ZP2: variants seen among roughly 807,000 people sequenced by gnomAD.
The protein encoded by ZP2 is zona pellucida glycoprotein 2.
A neutral mutation model predicts 84.0 loss-of-function variants in ZP2; 51 were observed. The observed-to-expected ratio is 0.61, with a 90% CI of 0.49 to 0.77. ZP2 has a LOEUF of 0.77. Ranked by LOEUF, ZP2 falls within the 30% of genes least tolerant of loss-of-function variation. The pLI is 0.00. For synonymous variants in ZP2, 375 were observed against 330.9 expected, an observed-to-expected ratio of 1.13 and a Z score of -1.45; for missense variants, 909 against 911.9, an observed-to-expected ratio of 1.00 and a Z score of 0.04.
At chr16:21,203,943 C>A in intron 9 of ZP2, 87 bp downstream of exon 9, 2 of 1,468,316 alleles carry the variant, frequency 1.4e-6, no homozygotes, top group Non-Finnish European at 9.4e-7. Flanking sequence ...AGCTCACGGG[C>A]AAGTTATCAG....
chr16:21,210,019 G>T, intron 3 of ZP2, 90 bp downstream of exon 3: 2 of 1,193,854 alleles, frequency 1.7e-6, no homozygotes, highest in South Asian at 1.3e-5. Flanking sequence ...TGCTGCAGGA[G>T]TTTGGGTACT....
intron 14 of ZP2, among the ~76,000 whole-genome samples, chr16:21,200,806 A>G (rs760170713): frequency 3.9e-5 from 6 of 152,230 alleles, no homozygotes; most frequent in Non-Finnish European, 7.3e-5. Context: ...TCAGATGGAT[A>G]GAGGCTAGAG....
rs778652791 is a variant in ZP2, at chr16:21,202,247, C to A, written c.1144G>T (p.Val382Phe). The change falls in exon 11 of 19, where the codon GTC (valine) becomes TTC (phenylalanine). Residue 382 changes from valine (V) to phenylalanine (F), a missense_variant. By Grantham distance (50) the Val-to-Phe change is conservative. Transcript: ENST00000574091. ...GCTGGTTGTGTTTGGTAGCTGTAGA[C>A]CTCGACGTCCATAAACCCATCCTGG... ...CTQDGFMDVE[V>F]YSYQTQPALD... The A allele has an allele frequency of 6.4e-7, 1 of 1,557,688 alleles. No homozygotes were observed. The highest frequency in any genetic ancestry group is 1.2e-5 in the South Asian group (1 of 81,452).
intron 9 of ZP2, 142 bp from the exon 10 acceptor site, chr16:21,203,393 A>T: frequency 9.4e-7 from 1 of 1,061,928 alleles, no homozygotes; most frequent in South Asian, 1.6e-5. Flanking sequence ...AACAAGAGAG[A>T]CCCTATCACT....
At chr16:21,199,174 A>T (rs932627452) in intron 16 of ZP2, among the ~76,000 whole-genome samples, 1 of 141,734 alleles carries the variant, frequency 7.1e-6, no homozygotes, top group Non-Finnish European at 1.6e-5. Flanking sequence ...TATAAAAGTT[A>T]GCTGGGTATG....
At position 21,210,228 on chromosome 16, in the gene ZP2, C is replaced by A. The variant is rs769664961; in HGVS notation, c.152-36G>T. ...AAGGAAGCATTTGGGGGCTTTGAGT[C>A]ATGAGTGATGCAACTCCTACAAAAG... On this transcript the variant is annotated intron_variant, in intron 2 of 18. Transcript: ENST00000574091. 5.8e-6 allele frequency: 9 copies of A among 1,542,180 alleles called. No individual in the cohort carries two copies. In the South Asian group the frequency reaches 7.8e-5, roughly 13 times the overall value.
upstream of ZP2, among the ~76,000 whole-genome samples, chr16:21,212,488 G>A (rs2093279080): frequency 6.6e-6 from 1 of 152,136 alleles, no homozygotes; most frequent in African/African-American, 2.4e-5. Flanking sequence ...AACACTGGGA[G>A]GAAAGTTTAA....
upstream of ZP2, chr16:21,211,621 A>C (rs1324805972): frequency 2.5e-6 from 4 of 1,610,338 alleles, no homozygotes; most frequent in Non-Finnish European, 3.4e-6. Flanking sequence ...AGCCAGCCGC[A>C]TCCACACCCT....
chr16:21,210,292 G>A (rs1196185302), intron 2 of ZP2, 100 bp from the exon 3 acceptor site: 1 of 941,214 alleles, frequency 1.1e-6, no homozygotes, highest in Non-Finnish European at 1.7e-6. Flanking sequence ...TTCCAGATGA[G>A]GGAGGCAAGA....
At chr16:21,203,836 T>C (rs192941365) in intron 9 of ZP2, 194 bp downstream of exon 9, 1 of 630,726 alleles carries the variant, frequency 1.6e-6, no homozygotes, top group East Asian at 2.8e-5. Flanking sequence ...AAAGAGGTTT[T>C]GTGTTAGAGA....
intron 10 of ZP2, 83 bp downstream of exon 10, chr16:21,203,042 T>C: frequency 6.6e-7 from 1 of 1,514,772 alleles, no homozygotes; most frequent in South Asian, 1.3e-5. Flanking sequence ...TAGATCAGAA[T>C]CTGACCTTCT....
intron 7 of ZP2, 97 bp from the exon 8 acceptor site, chr16:21,204,501 C>A: frequency 1.1e-6 from 1 of 922,536 alleles, no homozygotes; most frequent in Non-Finnish European, 1.7e-6. Flanking sequence ...AAGTAATGGG[C>A]ACTACTTTGA....
At chr16:21,204,943 A>C (rs189185825) in intron 7 of ZP2, among the ~76,000 whole-genome samples, 154 of 152,366 alleles carry the variant, frequency 1.0e-3, no homozygotes, top group Non-Finnish European at 1.8e-3. Flanking sequence ...TCTGTGTTGT[A>C]CTATAGATTT....
chr16:21,203,662 A>G, intron 9 of ZP2: 1 of 354,678 alleles, frequency 2.8e-6, no homozygotes, highest in Non-Finnish European at 5.2e-6. Flanking sequence ...GACTAACCTC[A>G]ACAGCAACAG....
intron 4 of ZP2, among the ~76,000 whole-genome samples, chr16:21,208,748 C>A (rs185504105): frequency 6.0e-4 from 91 of 152,326 alleles, no homozygotes; most frequent in Admixed American, 2.7e-3. Context: ...AGCCTTCCAT[C>A]TCATGTTGGG....
At chr16:21,199,999 A>C in intron 14 of ZP2, 121 bp from the exon 15 acceptor site, 1 of 1,293,818 alleles carries the variant, frequency 7.7e-7, no homozygotes, top group East Asian at 2.3e-5. Flanking sequence ...ACCTTCTACC[A>C]GCACCTTTGT....
chr16:21,204,613 C>A (rs2093241383), intron 7 of ZP2, among the ~76,000 whole-genome samples: 1 of 152,202 alleles, frequency 6.6e-6, no homozygotes, highest in Non-Finnish European at 1.5e-5. Context: ...TTGTCTAGAT[C>A]ACCTGTAGCC....
chr16:21,200,547 G>T (rs1366526137), intron 14 of ZP2, among the ~76,000 whole-genome samples: 1 of 152,224 alleles, frequency 6.6e-6, no homozygotes, highest in Non-Finnish European at 1.5e-5. Flanking sequence ...AGATCCAGTT[G>T]TAGGACAGGA....
intron 5 of ZP2, chr16:21,206,000 G>GAC: frequency 1.8e-6 from 1 of 564,602 alleles, no homozygotes; most frequent in East Asian, 3.1e-5. Flanking sequence ...TGTAAGTTGG[G>GAC]ACACATTTCT....
Sources: allele counts gnomAD v4.1 joint callset (sites outside exome capture counted in the v4.1 genomes callset), GRCh38; gene constraint gnomAD v4.1.1; transcripts MANE v1.5; gene names NCBI Gene and HGNC (gene_info 2026-07-23, HGNC 2026-07-21).